Variants in BNIP1 observed in about 807,000 individuals in gnomAD.
The protein encoded by BNIP1 is BCL2 interacting protein 1, also known as vesicle transport protein SEC20.
A neutral mutation model predicts 28.5 loss-of-function variants in BNIP1; 25 were observed. The ratio of observed to expected loss-of-function variants is 0.88; its 90% CI spans 0.64 to 1.23. The LOEUF (loss-of-function observed/expected upper bound fraction) is 1.23. Among genes scored for constraint, BNIP1 ranks in the 50% most tolerant of loss-of-function variants. The pLI is 0.00. For missense variants in BNIP1, 276 were observed against 277.0 expected (o/e 1.00, Z 0.02); for synonymous variants, 118 against 101.7 (o/e 1.16, Z -0.96).
chr5:173,160,695 C>T, intron 5 of BNIP1: 1 of 415,716 alleles, frequency 2.4e-6, no homozygotes, highest in Non-Finnish European at 4.8e-6. Context: ...AGTGAGGGCT[C>T]TGGGGACCCA....
rs1329316033 is a variant in BNIP1 at position 173,147,565 on chromosome 5, C to A, written c.177+607C>A. On this transcript the variant is annotated intron_variant, in intron 2 of 5. Coordinates refer to ENST00000351486, the MANE Select transcript of BNIP1 (RefSeq NM_001205.3). ...TTCTACCCTATTCATTCATTCACTA[C>A]CTCAATCCATCACACTCCTGGGTTT... 2.0e-5 allele frequency among the ~76,000 whole-genome samples: 3 copies of A among 147,002 alleles called. No individual in the cohort carries two copies. The East Asian group carries it at 5.8e-4, about 29-fold the overall frequency.
intron 5 of BNIP1, 119 bp downstream of exon 5, chr5:173,160,170 GGCTTC>G: frequency 2.3e-6 from 2 of 875,230 alleles, no homozygotes; most frequent in Non-Finnish European, 1.8e-6. Context: ...TGACTTGGGT[GGCTTC>G]TCCCTCATGA....
At chr5:173,159,549 T>C (rs255301) in intron 4 of BNIP1, among the ~76,000 whole-genome samples, 96,461 of 151,624 alleles carry the variant, frequency 0.64, 31,118 homozygotes, top group Middle Eastern at 0.7. Flanking sequence ...TTAATACAAT[T>C]CCCTGTGTGT....
intron 4 of BNIP1, among the ~76,000 whole-genome samples, chr5:173,159,124 G>A (rs1005146374): frequency 5.3e-5 from 8 of 151,494 alleles, no homozygotes; most frequent in African/African-American, 1.7e-4. Flanking sequence ...CGCAACCTCC[G>A]CCTCCTGGGT....
At chr5:173,145,205 G>A (rs925687916) in intron 1 of BNIP1, among the ~76,000 whole-genome samples, 4 of 152,156 alleles carry the variant, frequency 2.6e-5, no homozygotes, top group Admixed American at 6.5e-5. Flanking sequence ...ACTGGGACCT[G>A]GACTGTGAAA....
chr5:173,148,537 G>T (rs555543070), intron 2 of BNIP1, among the ~76,000 whole-genome samples: 2 of 152,208 alleles, frequency 1.3e-5, no homozygotes, highest in Non-Finnish European at 2.9e-5. Flanking sequence ...AAGGATGACT[G>T]CATCTGCACA....
chr5:173,159,115 G>T (rs771821861), intron 4 of BNIP1, among the ~76,000 whole-genome samples: 2 of 151,542 alleles, frequency 1.3e-5, no homozygotes, highest in Non-Finnish European at 2.9e-5. Flanking sequence ...TTGGCTCACC[G>T]CAACCTCCGC....
intron 5 of BNIP1, among the ~76,000 whole-genome samples, chr5:173,162,974 C>T (rs1581084583): frequency 3.9e-5 from 6 of 152,198 alleles, no homozygotes; most frequent in East Asian, 1.9e-4. Context: ...ATTTCACAGG[C>T]GTTCCTTTAT....
chr5:173,148,324 G>C (rs992124626), intron 2 of BNIP1, among the ~76,000 whole-genome samples: 1 of 151,486 alleles, frequency 6.6e-6, no homozygotes, highest in Non-Finnish European at 1.5e-5. Flanking sequence ...ATCTAGATCA[G>C]AATCAGAGGA....
chr5:173,159,387 C>T (rs994467503), intron 4 of BNIP1, among the ~76,000 whole-genome samples: 2 of 152,018 alleles, frequency 1.3e-5, no homozygotes, highest in Non-Finnish European at 2.9e-5. Flanking sequence ...TATTCTCTCC[C>T]TCATTTTTAT....
intron 1 of BNIP1, chr5:173,144,909 T>A: frequency 2.6e-6 from 1 of 379,030 alleles, no homozygotes. Context: ...CTTTGCCCCT[T>A]CCACCTGCAG....
intron 1 of BNIP1, 108 bp downstream of exon 1, chr5:173,144,737 AC>A (rs2113831653): frequency 8.5e-7 from 1 of 1,178,464 alleles, no homozygotes; most frequent in Non-Finnish European, 1.2e-6. Flanking sequence ...GGTTTCCCAG[AC>A]CACAGGCTCC....
At chr5:173,150,831 T>A (rs1581071269) in intron 2 of BNIP1, among the ~76,000 whole-genome samples, 1 of 152,124 alleles carries the variant, frequency 6.6e-6, no homozygotes, top group African/African-American at 2.4e-5. Flanking sequence ...AAAAACTTTA[T>A]ACTTTTGTTT....
chr5:173,145,620 G>A (rs1205829409), intron 1 of BNIP1, among the ~76,000 whole-genome samples: 2 of 152,152 alleles, frequency 1.3e-5, no homozygotes, highest in Admixed American at 1.3e-4. Flanking sequence ...AGCCAGGATG[G>A]TCTCGATCTC....
In BNIP1 at chr5:173,146,127, G is replaced by A. The variant is rs181464998; in HGVS notation, c.85-739G>A. Among the ~76,000 whole-genome samples, 155 of 152,300 alleles carry A rather than the reference G, an allele frequency of 1.0e-3. 2 individuals are homozygous for A. The Middle Eastern group carries it at 0.017, about 17-fold the overall frequency. Reference sequence around the variant, plus strand: ...GACTGATTATAGCTGGATGTATTGCGTTCTTACCGTTTTCCAGCAGCTCTG... The same window carrying A: ...GACTGATTATAGCTGGATGTATTGCATTCTTACCGTTTTCCAGCAGCTCTG... On this transcript the variant is annotated intron_variant, in intron 1 of 5. Coordinates refer to ENST00000351486, the MANE Select transcript of BNIP1 (RefSeq NM_001205.3).
At chr5:173,144,914 CTGCA>C in intron 1 of BNIP1, 1 of 357,520 alleles carries the variant, frequency 2.8e-6, no homozygotes, top group Admixed American at 4.5e-5. Context: ...CCCCTTCCAC[CTGCA>C]GCCCTGGTCG....
intron 3 of BNIP1, among the ~76,000 whole-genome samples, chr5:173,156,961 AAAAAAAAAC>A (rs1318685576): frequency 8.6e-5 from 13 of 151,022 alleles, no homozygotes; most frequent in East Asian, 3.9e-4. Context: ...CCCTGTCTCA[AAAAAAAAAC>A]AAAAAAAACA....
chr5:173,157,039 G>T (rs186971812), intron 3 of BNIP1, among the ~76,000 whole-genome samples: 2 of 152,194 alleles, frequency 1.3e-5, no homozygotes, highest in East Asian at 3.9e-4. Context: ...CATCATGCTT[G>T]TCACACCATA....
chr5:173,155,337 T>C (rs1230366131), intron 3 of BNIP1, among the ~76,000 whole-genome samples: 1 of 152,234 alleles, frequency 6.6e-6, no homozygotes, highest in African/African-American at 2.4e-5. Context: ...CATTTGACTT[T>C]TGTACCAATC....
Sources: allele counts gnomAD v4.1 joint callset (sites outside exome capture counted in the v4.1 genomes callset), GRCh38; gene constraint gnomAD v4.1.1; transcripts MANE v1.5; gene names NCBI Gene and HGNC (gene_info 2026-07-23, HGNC 2026-07-21).